Variants in USP9Y observed in about 807,000 individuals in gnomAD.
USP9Y encodes the protein ubiquitin carboxyl-terminal hydrolase 9Y.
In USP9Y, 41 loss-of-function variants were observed where a neutral mutation model predicts 53.1. The observed-to-expected ratio is 0.77, with a 90% CI of 0.60 to 1.00. The LOEUF (loss-of-function observed/expected upper bound fraction) is 1.00, where lower values mean the gene tolerates loss of function less well. Among genes scored for constraint, USP9Y ranks in the 50% least tolerant of loss-of-function variants. The pLI is 0.00. For synonymous variants in USP9Y, 220 were observed against 173.7 expected, an observed-to-expected ratio of 1.27 and a Z score of -2.09; for missense variants, 567 against 535.8, an observed-to-expected ratio of 1.06 and a Z score of -0.58.
At chrY:12,705,071 G>A (rs903044976) in intron 1 of USP9Y, among the ~76,000 whole-genome samples, 4 of 32,900 alleles carry the variant, frequency 1.2e-4, no homozygotes, top group East Asian at 7.7e-4. Flanking sequence ...TTTAAGGCCA[G>A]CATTTTACAG....
intron 33 of USP9Y, among the ~76,000 whole-genome samples, chrY:12,824,074 T>A: frequency 3.1e-5 from 1 of 32,480 alleles, no homozygotes. Context: ...CATTAAGGGG[T>A]AATTATGCAT....
intron 5 of USP9Y, among the ~76,000 whole-genome samples, chrY:12,722,440 C>G: frequency 3.1e-5 from 1 of 32,235 alleles, no homozygotes; most frequent in Non-Finnish European, 7.6e-5. Context: ...AGTAAAGGTT[C>G]ATAGAAATCT....
intron 1 of USP9Y, among the ~76,000 whole-genome samples, chrY:12,702,991 C>G: frequency 3.0e-5 from 1 of 33,174 alleles, no homozygotes; most frequent in African/African-American, 1.2e-4. Flanking sequence ...TGTCTTGTTC[C>G]AGATCTTAGA....
chrY:12,822,173 T>C, intron 33 of USP9Y, among the ~76,000 whole-genome samples: 2 of 33,669 alleles, frequency 5.9e-5, no homozygotes, highest in Non-Finnish European at 1.5e-4. Flanking sequence ...TCTGTACTTT[T>C]TTGAGGAAAT....
At position 12,761,169 on chromosome Y, in the gene USP9Y, G is replaced by A. The variant is rs772965227; in HGVS notation, c.1900+552G>A. Reference sequence around the variant, plus strand: ...GAGACAGGGTTTCGCCATGTTGACCGGGCTGATCTTGAACTCCTGGGCTCA... The same window carrying A: ...GAGACAGGGTTTCGCCATGTTGACCAGGCTGATCTTGAACTCCTGGGCTCA... On this transcript the variant is annotated intron_variant, in intron 15 of 45. Transcript: ENST00000338981. 1.5e-4 allele frequency among the ~76,000 whole-genome samples: 5 copies of A among 33,741 alleles called. No individual in the cohort carries two copies. The South Asian group carries it at 2.0e-3, about 13-fold the overall frequency. 90.5% of individuals were successfully genotyped at this position (33,741 alleles called of 37,273 possible). A position where few individuals can be genotyped will look rare whatever the true frequency, so the allele number is the denominator to read the frequency against.
At chrY:12,774,667 T>G (rs965357466) in intron 17 of USP9Y, among the ~76,000 whole-genome samples, 2 of 32,751 alleles carry the variant, frequency 6.1e-5, no homozygotes, top group Admixed American at 5.7e-4. Context: ...TTATTGATAT[T>G]GTTCACTTTG....
intron 1 of USP9Y, among the ~76,000 whole-genome samples, chrY:12,704,949 TC>T (rs2053418441): frequency 6.1e-5 from 2 of 32,934 alleles, no homozygotes; most frequent in Non-Finnish European, 1.5e-4. Context: ...ATTTGGTTGA[TC>T]TTTTTTTTCT....
chrY:12,790,232 C>A (rs2053506160), intron 24 of USP9Y, among the ~76,000 whole-genome samples, 175 bp from the exon 25 acceptor site: 1 of 32,604 alleles, frequency 3.1e-5, no homozygotes. Context: ...ATAATGTTGG[C>A]AATGTGAAAT....
At chrY:12,816,365 C>A in intron 32 of USP9Y, 21 bp downstream of exon 32, 1 of 367,078 alleles carries the variant, frequency 2.7e-6, no homozygotes, top group Non-Finnish European at 3.9e-6. Context: ...ATACTGTTTT[C>A]TTTGAAGAGT....
intron 1 of USP9Y, among the ~76,000 whole-genome samples, chrY:12,705,960 T>C (rs2053419075): frequency 2.9e-5 from 1 of 34,163 alleles, no homozygotes; most frequent in Non-Finnish European, 7.3e-5. Context: ...TATTAACTAT[T>C]GTCAGTTAGT....
rs575944973 is a variant in USP9Y, at chrY:12,746,294, T to A, written c.1422+6665T>A. 5.9e-3 allele frequency among the ~76,000 whole-genome samples: 197 copies of A among 33,625 alleles called. No individual in the cohort carries two copies. In the Middle Eastern group the frequency reaches 0.23, roughly 39 times the overall value. The allele number at this position is 33,625 out of a possible 37,273, so 90.2% of individuals were successfully genotyped here. ...ACCCTTGCATTAGTTTACTATTAAT[T>A]TATTTAGCCTCAGTTTTTAATGAAA... is the stretch of plus-strand genomic sequence containing the variant. On this transcript the variant is annotated intron_variant, in intron 12 of 45. Coordinates refer to ENST00000338981, the MANE Select transcript of USP9Y (RefSeq NM_004654.4).
chrY:12,822,491 A>G, intron 33 of USP9Y, among the ~76,000 whole-genome samples: 1 of 31,283 alleles, frequency 3.2e-5, no homozygotes. Context: ...CAGCCTCCCA[A>G]GTGGCTAAGA....
At chrY:12,714,358 T>C in intron 3 of USP9Y, among the ~76,000 whole-genome samples, 1 of 32,314 alleles carries the variant, frequency 3.1e-5, no homozygotes, top group Non-Finnish European at 7.5e-5. Flanking sequence ...TTCTCTCTCT[T>C]TGCTTACATT....
At chrY:12,829,337 T>C (rs2053549226) in intron 33 of USP9Y, among the ~76,000 whole-genome samples, 1 of 34,324 alleles carries the variant, frequency 2.9e-5, no homozygotes, top group Non-Finnish European at 7.3e-5. Context: ...ATATGACTAA[T>C]GTCCCAGATC....
At chrY:12,704,445 T>G (rs2053418271) in intron 1 of USP9Y, among the ~76,000 whole-genome samples, 1 of 33,854 alleles carries the variant, frequency 3.0e-5, no homozygotes, top group Non-Finnish European at 7.3e-5. Context: ...TAGTTTCTTT[T>G]TAGTAGAAAA....
At chrY:12,782,048 T>C in intron 22 of USP9Y, among the ~76,000 whole-genome samples, 1 of 33,051 alleles carries the variant, frequency 3.0e-5, no homozygotes, top group Non-Finnish European at 7.5e-5. Context: ...CTTTTTTTTT[T>C]TGAGACAGTT....
chrY:12,759,715 G>A (rs2053473064), intron 14 of USP9Y, among the ~76,000 whole-genome samples: 1 of 32,006 alleles, frequency 3.1e-5, no homozygotes, highest in East Asian at 8.1e-4. Flanking sequence ...AAAAAAGATT[G>A]TCTCATGGTG....
At chrY:12,835,818 A>G in intron 34 of USP9Y, among the ~76,000 whole-genome samples, 1 of 33,171 alleles carries the variant, frequency 3.0e-5, no homozygotes, top group Non-Finnish European at 7.4e-5. Flanking sequence ...CTGTTTAGAC[A>G]TTTTGAAAAT....
chrY:12,701,480 C>A lies in USP9Y; in HGVS notation c.-696C>A. ...CTACCAATTAGCAGATTGTTTAACT[C>A]ACTGAAATTGTAAAGTGGTAGACGT... is the stretch of plus-strand genomic sequence containing the variant. On this transcript the variant is annotated 5_prime_UTR_variant, in exon 1 of 46. The change creates a premature stop within an existing upstream ORF in the 5' untranslated region. Coordinates refer to ENST00000338981, the MANE Select transcript of USP9Y (RefSeq NM_004654.4). 3.0e-5 allele frequency: 1 copy of A among 33,722 alleles called. No individual in the cohort carries two copies. Among genetic ancestry groups the A allele is most frequent in the Admixed American group, 2.7e-4 (1 of 3,761 alleles). The allele number at this position is 33,722 out of a possible 400,897, so 8.4% of individuals were successfully genotyped here.
Sources: gnomAD v4.1 joint callset for allele counts (sites outside exome capture counted in the v4.1 genomes callset) on GRCh38, gnomAD v4.1.1 for gene constraint, MANE v1.5 for transcripts, NCBI Gene and HGNC (gene_info 2026-07-23, HGNC 2026-07-21) for gene names.